FRMD3: variants seen among roughly 807,000 people sequenced by gnomAD.
FRMD3 encodes the protein FERM domain containing 3.
Under a neutral mutation model 70.2 loss-of-function variants are expected in FRMD3, and 33 were observed. That is an observed-to-expected ratio of 0.47 (90% CI 0.36 to 0.63). FRMD3 has a LOEUF of 0.63. Among genes scored for constraint, FRMD3 ranks in the 20% least tolerant of loss-of-function variants. The pLI, the probability that FRMD3 is intolerant of heterozygous loss-of-function variation, is 0.00. For synonymous variants in FRMD3, 279 were observed against 255.9 expected, an observed-to-expected ratio of 1.09 and a Z score of -0.86; for missense variants, 632 against 711.4, an observed-to-expected ratio of 0.89 and a Z score of 1.27.
chr9:83,354,760 T>C (rs1824280979), intron 3 of FRMD3, among the ~76,000 whole-genome samples: 4 of 152,178 alleles, frequency 2.6e-5, no homozygotes, highest in Admixed American at 2.6e-4. Context: ...GAAGGTCATA[T>C]GTGCTATGGG....
At chr9:83,491,946 T>C (rs920608381) in intron 1 of FRMD3, among the ~76,000 whole-genome samples, 4 of 152,176 alleles carry the variant, frequency 2.6e-5, no homozygotes, top group Non-Finnish European at 4.4e-5. Context: ...CTGTTGATGG[T>C]GTTTGTTAAT....
intron 1 of FRMD3, among the ~76,000 whole-genome samples, chr9:83,479,534 A>G (rs937322057): frequency 1.7e-4 from 25 of 148,032 alleles, no homozygotes; most frequent in Admixed American, 1.6e-3. Flanking sequence ...AGGCTGAGGC[A>G]GGAGGATCTT....
At chr9:83,418,556 C>A (rs1564067927) in intron 1 of FRMD3, among the ~76,000 whole-genome samples, 1 of 152,150 alleles carries the variant, frequency 6.6e-6, no homozygotes, top group Non-Finnish European at 1.5e-5. Context: ...TCAGGGAATG[C>A]AGATTAAAAC....
At chr9:83,478,942 G>A (rs571025741) in intron 1 of FRMD3, among the ~76,000 whole-genome samples, 1 of 152,244 alleles carries the variant, frequency 6.6e-6, no homozygotes, top group African/African-American at 2.4e-5. Context: ...CTGGAATACA[G>A]AGACTGTACC....
intron 1 of FRMD3, among the ~76,000 whole-genome samples, chr9:83,477,790 T>C (rs1828435526): frequency 6.6e-6 from 1 of 152,130 alleles, no homozygotes; most frequent in Non-Finnish European, 1.5e-5. Context: ...TGCCTGGGCT[T>C]CCCATCTCTG....
chr9:83,254,121 A>AGGG (rs1832564535), intron 13 of FRMD3, among the ~76,000 whole-genome samples: 4 of 146,716 alleles, frequency 2.7e-5, no homozygotes, highest in East Asian at 2.0e-4. Context: ...GTCATGGGGT[A>AGGG]GGGGGAAGGG....
At chr9:83,341,108 A>G (rs1275060125) in intron 5 of FRMD3, among the ~76,000 whole-genome samples, 1 of 152,160 alleles carries the variant, frequency 6.6e-6, no homozygotes, top group Non-Finnish European at 1.5e-5. Flanking sequence ...TGAAATGCCC[A>G]TCTATATCTG....
chr9:83,312,344 G>A (rs1382093725), intron 7 of FRMD3, among the ~76,000 whole-genome samples: 1 of 152,190 alleles, frequency 6.6e-6, no homozygotes, highest in Non-Finnish European at 1.5e-5. Flanking sequence ...GCACTCTAAC[G>A]TGATGAAACC....
At chr9:83,469,752 G>A (rs2131456300) in intron 1 of FRMD3, among the ~76,000 whole-genome samples, 1 of 152,146 alleles carries the variant, frequency 6.6e-6, no homozygotes, top group East Asian at 1.9e-4. Context: ...ATGGGAATTA[G>A]AAACCGGCTA....
At chr9:83,576,083 ACAT>A in the FRMD3 span, among the ~76,000 whole-genome samples, 3 of 152,140 alleles carry the variant, frequency 2.0e-5, no homozygotes, top group Non-Finnish European at 4.4e-5. Context: ...CCAGACAAAG[ACAT>A]CATAAGAAAA....
chr9:83,518,605 C>T (rs1324760243), intron 1 of FRMD3, among the ~76,000 whole-genome samples: 1 of 152,130 alleles, frequency 6.6e-6, no homozygotes, highest in Non-Finnish European at 1.5e-5. Context: ...CATCAAGCTG[C>T]CATTGACTTT....
intron 1 of FRMD3, among the ~76,000 whole-genome samples, chr9:83,438,053 G>A (rs1827187209): frequency 6.6e-6 from 1 of 152,108 alleles, no homozygotes; most frequent in Admixed American, 6.5e-5. Context: ...CAGACTCCCA[G>A]GGAGGCTGGA....
At chr9:83,266,864 C>T in intron 13 of FRMD3, 6 of 814,056 alleles carry the variant, frequency 7.4e-6, no homozygotes, top group Middle Eastern at 3.7e-4. Flanking sequence ...CTCGTCTCTG[C>T]TTTTCTCCCT....
intron 1 of FRMD3, among the ~76,000 whole-genome samples, chr9:83,390,876 T>C (rs971317526): frequency 1.3e-5 from 2 of 152,220 alleles, no homozygotes; most frequent in Admixed American, 1.3e-4. Flanking sequence ...TTGGTCTATG[T>C]TACATAATGA....
In FRMD3 at chr9:83,247,815, G is replaced by T; in HGVS notation, c.*103C>A. ...GTTTGAATAATCAATTATGAGTAAG[G>T]AACACCTGTTGACAGCCCCGTGACC... is the stretch of plus-strand genomic sequence containing the variant. On this transcript the variant is annotated 3_prime_UTR_variant, in exon 14 of 14. Transcript: ENST00000304195. 1.3e-6 allele frequency: 2 copies of T among 1,514,456 alleles called. No individual in the cohort carries two copies. Among genetic ancestry groups the T allele is most frequent in the Non-Finnish European group, 1.8e-6 (2 of 1,135,632 alleles). 93.8% of individuals were successfully genotyped at this position (1,514,456 alleles called of 1,614,324 possible).
intron 1 of FRMD3, among the ~76,000 whole-genome samples, chr9:83,490,621 A>T (rs1007209351): frequency 6.6e-6 from 1 of 152,152 alleles, no homozygotes. Context: ...CTTTTAATCT[A>T]TTTGGCACAA....
intron 8 of FRMD3, 48 bp from the exon 9 acceptor site, chr9:83,310,596 C>T (rs1835315021): frequency 6.9e-7 from 1 of 1,459,566 alleles, no homozygotes; most frequent in Non-Finnish European, 9.4e-7. Flanking sequence ...TGGCAGCTAA[C>T]CAAGGTACCT....
chr9:83,522,051 GA>G (rs1412921572), intron 1 of FRMD3, among the ~76,000 whole-genome samples: 2 of 152,150 alleles, frequency 1.3e-5, no homozygotes, highest in African/African-American at 4.8e-5. Context: ...CGTCTAGTAG[GA>G]ACCAAGGAAG....
intron 12 of FRMD3, among the ~76,000 whole-genome samples, chr9:83,292,772 C>G (rs1045912819): frequency 1.2e-4 from 19 of 152,124 alleles, no homozygotes; most frequent in Non-Finnish European, 1.9e-4. Flanking sequence ...CTCAGCCTCC[C>G]GAGTAGCTGG....
Sources: allele counts gnomAD v4.1 joint callset (sites outside exome capture counted in the v4.1 genomes callset), GRCh38; gene constraint gnomAD v4.1.1; transcripts MANE v1.5; gene names NCBI Gene and HGNC (gene_info 2026-07-23, HGNC 2026-07-21).